The following SIM2 variants were observed in gnomAD, a reference collection of about 807,000 sequenced individuals.
SIM2 encodes the protein SIM bHLH transcription factor 2.
Under a neutral mutation model 64.8 loss-of-function variants are expected in SIM2, and 28 were observed. That is an observed-to-expected ratio of 0.43 (90% CI 0.32 to 0.59). The LOEUF (loss-of-function observed/expected upper bound fraction) is 0.59. Ranked by LOEUF, SIM2 falls within the 20% of genes least tolerant of loss-of-function variation. The probability of loss-of-function intolerance (pLI) is 0.07; values close to 1 mark genes in which losing one functional copy is unlikely to be tolerated. For synonymous variants in SIM2, 408 were observed against 391.1 expected (o/e 1.04, Z -0.51); for missense variants, 847 against 871.4 (o/e 0.97, Z 0.35).
intron 7 of SIM2, among the ~76,000 whole-genome samples, chr21:36,733,612 T>G (rs1385230407): frequency 1.4e-5 from 2 of 146,392 alleles, no homozygotes; most frequent in Non-Finnish European, 3.0e-5. Flanking sequence ...CAAGCTGGAG[T>G]GCAGTGGTGC....
rs1453595136 is a variant in SIM2, at chr21:36,747,068, G to C, written c.1577-597G>C. The stretch of plus-strand genomic sequence containing the variant: ...AAAGACAAAAAAAACCCACAAGCCA[G>C]GGAGCTACTTAATGTCAGGCATCGG... On this transcript the variant is annotated intron_variant, in intron 10 of 10. Transcript: ENST00000290399. This position sits in a 1 kb window ranked among gnomAD's most constrained non-coding sequence, Gnocchi z 4.5. 1.3e-5 allele frequency among the ~76,000 whole-genome samples: 2 copies of C among 151,006 alleles called. No homozygotes were observed. The highest frequency in any genetic ancestry group is 2.1e-4 in the South Asian group (1 of 4,724).
In SIM2 at chr21:36,745,366, A is replaced by T; in HGVS notation, c.1576+230A>T. 1.4e-6 allele frequency: 2 copies of T among 1,408,526 alleles called. No individual in the cohort carries two copies. The highest frequency in any genetic ancestry group is 1.9e-6 in the Non-Finnish European group (2 of 1,073,442). 87.3% of individuals were successfully genotyped at this position (1,408,526 alleles called of 1,614,324 possible). ...CTCGGGGACACTAGTGACAGTATAA[A>T]GGGCAAAGGAAAACCGAGTATCTGG... On this transcript the variant is annotated intron_variant, in intron 10 of 10. Transcript: ENST00000290399. This position sits in a 1 kb window ranked among gnomAD's most constrained non-coding sequence, Gnocchi z 4.8.
At chr21:36,725,997 G>A (rs748934376) in intron 5 of SIM2, 122 bp from the exon 6 acceptor site, 31 of 762,628 alleles carry the variant, frequency 4.1e-5, no homozygotes, top group Non-Finnish European at 5.1e-5. Flanking sequence ...ACATTGGGCC[G>A]CACAGTGGAG....
chr21:36,745,472 C>A lies in SIM2; in HGVS notation c.1576+336C>A. 2.5e-6 allele frequency: 3 copies of A among 1,191,898 alleles called. No individual in the cohort carries two copies. Among genetic ancestry groups the A allele is most frequent in the Non-Finnish European group, 2.1e-6 (2 of 948,250 alleles). The allele number at this position is 1,191,898 out of a possible 1,614,324, so 73.8% of individuals were successfully genotyped here. ...AACCAGCTCCCATGTGCTGAGAACA[C>A]CCCAGCTGCATTTCTTTTGCAAGAT... On this transcript the variant is annotated intron_variant, in intron 10 of 10. Transcript: ENST00000290399. The surrounding 1 kb of genome is among the most constrained non-coding windows in gnomAD (Gnocchi z 4.8).
intron 7 of SIM2, 124 bp downstream of exon 7, chr21:36,731,275 C>G: frequency 1.5e-6 from 1 of 666,434 alleles, no homozygotes; most frequent in Non-Finnish European, 2.5e-6. Flanking sequence ...ACTTGAATCT[C>G]AAGCCCCAAG....
chr21:36,742,309 AC>A (rs2089172343), intron 8 of SIM2, among the ~76,000 whole-genome samples: 1 of 151,554 alleles, frequency 6.6e-6, no homozygotes, highest in Non-Finnish European at 1.5e-5. Context: ...CCCATTTTTT[AC>A]CTGTCTTCTT....
At chr21:36,722,940 C>A in intron 4 of SIM2, 105 bp from the exon 5 acceptor site, 1 of 863,508 alleles carries the variant, frequency 1.2e-6, no homozygotes, top group Non-Finnish European at 2.0e-6. Context: ...CTGAGAAGGC[C>A]TCTGGGTGCT....
intron 9 of SIM2, 53 bp downstream of exon 9, chr21:36,743,608 G>A (rs768470635): frequency 2.7e-5 from 41 of 1,529,834 alleles, no homozygotes; most frequent in Non-Finnish European, 2.9e-5. Flanking sequence ...CTAGGGGTTC[G>A]GGACACCTGG....
At chr21:36,702,963 A>C (rs2088525830) in intron 1 of SIM2, among the ~76,000 whole-genome samples, 1 of 151,322 alleles carries the variant, frequency 6.6e-6, no homozygotes. Flanking sequence ...AAAGAATAGC[A>C]TAGTCCTAAG....
intron 1 of SIM2, among the ~76,000 whole-genome samples, chr21:36,702,627 T>C (rs2088517983): frequency 6.6e-6 from 1 of 152,136 alleles, no homozygotes; most frequent in Admixed American, 6.5e-5. Flanking sequence ...TTCCAGTAGC[T>C]CCAAAGAGTG....
chr21:36,739,158 TAA>T (rs1169649578), intron 7 of SIM2, among the ~76,000 whole-genome samples: 1 of 152,254 alleles, frequency 6.6e-6, no homozygotes, highest in Non-Finnish European at 1.5e-5. Context: ...TTCAGTCAGA[TAA>T]AAGTTAATAT....
intron 2 of SIM2, chr21:36,709,905 T>G (rs1244307169): frequency 6.1e-6 from 1 of 163,168 alleles, no homozygotes; most frequent in Non-Finnish European, 1.3e-5. Context: ...CTCGGCTCAC[T>G]CCAACCTCCG....
In SIM2 at chr21:36,745,742, G is replaced by C. The variant is rs2089220616; in HGVS notation, c.1576+606G>C. Reference sequence around the variant, plus strand: ...ACGACACACAGTAGGGACCTGCCCTGTACATGCTAGTTCAACAGAAAGGAA... The same window carrying C: ...ACGACACACAGTAGGGACCTGCCCTCTACATGCTAGTTCAACAGAAAGGAA... On this transcript the variant is annotated intron_variant, in intron 10 of 10. Transcript: ENST00000290399. The surrounding 1 kb of genome is among the most constrained non-coding windows in gnomAD (Gnocchi z 4.8). The C allele has an allele frequency of 1.5e-6, 2 of 1,298,288 alleles. No individual in the cohort carries two copies. Among genetic ancestry groups the C allele is most frequent in the African/African-American group, 1.5e-5 (1 of 65,868 alleles). 80.4% of individuals were successfully genotyped at this position (1,298,288 alleles called of 1,614,324 possible).
intron 7 of SIM2, among the ~76,000 whole-genome samples, chr21:36,737,984 C>CAAAAAAA (rs71326699): frequency 5.5e-5 from 5 of 90,250 alleles, no homozygotes; most frequent in African/African-American, 1.4e-4. Context: ...AAAAAAAAAG[C>CAAAAAAA]AAAAAAAAAG....
rs76653593 is a variant in SIM2 at position 36,737,472 on chromosome 21, G to A, written c.851-4245G>A. Among the ~76,000 whole-genome samples the A allele has an allele frequency of 3.9e-3, 594 of 152,296 alleles. 4 individuals carry two copies. Among genetic ancestry groups the A allele is most frequent in the South Asian group, 0.015 (73 of 4,824 alleles). Reference sequence around the variant, plus strand: ...TCTGTTGACCCAGACCCTCAGGGGGGGCTGAGCACAGCCTGGTCCATAGGT... The same window carrying A: ...TCTGTTGACCCAGACCCTCAGGGGGAGCTGAGCACAGCCTGGTCCATAGGT... On this transcript the variant is annotated intron_variant, in intron 7 of 10. Transcript: ENST00000290399.
At chr21:36,700,517 C>A (rs749381608) in intron 1 of SIM2, among the ~76,000 whole-genome samples, 14 of 152,066 alleles carry the variant, frequency 9.2e-5, no homozygotes, top group Non-Finnish European at 1.5e-4. Context: ...TTTCTTTATC[C>A]CTCCTTCCCT....
At chr21:36,731,255 C>A in intron 7 of SIM2, 104 bp downstream of exon 7, 1 of 736,494 alleles carries the variant, frequency 1.4e-6, no homozygotes, top group South Asian at 1.8e-5. Flanking sequence ...AATAATCATC[C>A]ATGATACACA....
Position 36,741,698 on chromosome 21 carries a change from T to C in SIM2, c.851-19T>C. 1 of 1,611,408 alleles carries C rather than the reference T, an allele frequency of 6.2e-7. No individual in the cohort carries two copies. The highest frequency in any genetic ancestry group is 8.5e-7 in the Non-Finnish European group (1 of 1,179,756). On this transcript the variant is annotated intron_variant, in intron 7 of 10. Transcript: ENST00000290399. Reference sequence around the variant, plus strand: ...GGCCTGCGAAGCGTCTGAGGACTCCTGTCACCTTGTGCTTGCAGTGTTGGT... The same window carrying C: ...GGCCTGCGAAGCGTCTGAGGACTCCCGTCACCTTGTGCTTGCAGTGTTGGT...
rs139423541 is a variant in SIM2 at position 36,741,647 on chromosome 21, C to T, written c.851-70C>T. On this transcript the variant is annotated intron_variant, in intron 7 of 10. Coordinates refer to ENST00000290399, the MANE Select transcript of SIM2 (RefSeq NM_005069.6). ...GAGGTGTCCTTGGGACAGAGGTCAC[C>T]GTTGGGGGCAGCATCCCAGAGGTGG... 1,208 of 1,564,792 alleles carry T rather than the reference C, an allele frequency of 7.7e-4. 2 individuals carry two copies. The highest frequency in any genetic ancestry group is 5.2e-3 in the Middle Eastern group (23 of 4,440).
Sources: allele counts gnomAD v4.1 joint callset (sites outside exome capture counted in the v4.1 genomes callset), GRCh38; gene constraint gnomAD v4.1.1; non-coding constraint Gnocchi (gnomAD v3.1); transcripts MANE v1.5; gene names NCBI Gene and HGNC (gene_info 2026-07-23, HGNC 2026-07-21).